CTNNBL1: variants seen among roughly 807,000 people sequenced by gnomAD.
CTNNBL1 encodes catenin beta like 1, also known as beta-catenin-like protein 1.
CTNNBL1 carries 31 observed loss-of-function variants against 72.7 expected under a neutral mutation model. The ratio of observed to expected loss-of-function variants is 0.43; its 90% CI spans 0.32 to 0.58. CTNNBL1 has a LOEUF of 0.58. Ranked by LOEUF, CTNNBL1 falls within the 20% of genes least tolerant of loss-of-function variation. The pLI, the probability that CTNNBL1 is intolerant of heterozygous loss-of-function variation, is 0.08. For missense variants in CTNNBL1, 534 were observed against 725.1 expected (o/e 0.74, Z 3.03); for synonymous variants, 240 against 267.3 (o/e 0.90, Z 1.00).
chr20:37,695,780 A>G (rs1019416133), intron 1 of CTNNBL1, among the ~76,000 whole-genome samples: 5 of 152,220 alleles, frequency 3.3e-5, no homozygotes, highest in Admixed American at 2.0e-4. Context: ...GCTGCCTCAC[A>G]GGGCTGTTGT....
intron 10 of CTNNBL1, among the ~76,000 whole-genome samples, chr20:37,792,090 A>G (rs932574959): frequency 6.6e-6 from 1 of 152,198 alleles, no homozygotes; most frequent in Non-Finnish European, 1.5e-5. Flanking sequence ...TTACTGGCAA[A>G]AAGATGTTCA....
rs771463057 is a variant in CTNNBL1 at position 37,694,163 on chromosome 20, C to G, written c.30+11C>G. The G allele has an allele frequency of 6.3e-6, 10 of 1,586,776 alleles. No individual in the cohort carries two copies. The South Asian group carries it at 1.1e-4, about 18-fold the overall frequency. On this transcript the variant is annotated intron_variant, in intron 1 of 15. Transcript: ENST00000361383. Reference sequence around the variant, plus strand: ...CTTCTGAGCTACCAGGTATGAGGGGCAGGGAGGGCCGAGCGACCGCGTTCT... The same window carrying G: ...CTTCTGAGCTACCAGGTATGAGGGGGAGGGAGGGCCGAGCGACCGCGTTCT...
At chr20:37,855,528 T>C (rs1335418004) in intron 13 of CTNNBL1, among the ~76,000 whole-genome samples, 2 of 152,256 alleles carry the variant, frequency 1.3e-5, no homozygotes, top group African/African-American at 4.8e-5. Flanking sequence ...GACATCTCTG[T>C]TGAGTGGGTA....
At position 37,779,213 on chromosome 20, in the gene CTNNBL1, G is replaced by A. The variant is rs373264095; in HGVS notation, c.909G>A (p.Thr303=). ...TGTTTAAAAGACACAATCCCAGCACGGCTGAGGAGCAGGAGATGATGGAGA... is the reference window on the plus strand; with the variant it reads ...TGTTTAAAAGACACAATCCCAGCACAGCTGAGGAGCAGGAGATGATGGAGA... The part of the protein sequence containing the change: ...LSVFKRHNPS[T]AEEQEMMENL... The change falls in exon 10 of 16, where the codon ACG becomes ACA. Residue 303 remains threonine (T), a synonymous_variant. Coordinates refer to ENST00000361383, the MANE Select transcript of CTNNBL1 (RefSeq NM_030877.5). 12 of 1,613,428 alleles carry A rather than the reference G, an allele frequency of 7.4e-6. No individual in the cohort carries two copies. The highest frequency in any genetic ancestry group is 4.5e-5 in the East Asian group (2 of 44,890).
At chr20:37,826,271 A>G (rs1189498194) in intron 11 of CTNNBL1, among the ~76,000 whole-genome samples, 1 of 152,224 alleles carries the variant, frequency 6.6e-6, no homozygotes, top group African/African-American at 2.4e-5. Flanking sequence ...TAACACTTAA[A>G]CACTTTTAAA....
chr20:37,782,966 T>C (rs2073638835), intron 10 of CTNNBL1, among the ~76,000 whole-genome samples: 2 of 152,230 alleles, frequency 1.3e-5, no homozygotes, highest in South Asian at 4.1e-4. Context: ...AATAGCCACA[T>C]TTCAGATGCT....
chr20:37,774,229 A>G (rs1441088949), intron 7 of CTNNBL1, among the ~76,000 whole-genome samples: 1 of 151,970 alleles, frequency 6.6e-6, no homozygotes, highest in African/African-American at 2.4e-5. Flanking sequence ...CATTATTTCT[A>G]ATCCTCACAA....
intron 1 of CTNNBL1, among the ~76,000 whole-genome samples, chr20:37,712,064 G>GGAA (rs997436352): frequency 5.9e-5 from 9 of 152,212 alleles, no homozygotes; most frequent in African/African-American, 2.2e-4. Context: ...GGGAGGGTGT[G>GGAA]GAATTCACCT....
chr20:37,860,060 G>C lies in CTNNBL1; in HGVS notation c.1530+24G>C, dbSNP rs1460991092. On this transcript the variant is annotated intron_variant, in intron 14 of 15. Coordinates refer to ENST00000361383, the MANE Select transcript of CTNNBL1 (RefSeq NM_030877.5). ...AGGTAGGAGGGTCTTCCCCTGGATG[G>C]GCTTATCCATCCCTGCCTCCTTCCT... 3 of 1,612,480 alleles carry C rather than the reference G, an allele frequency of 1.9e-6. No homozygotes were observed. The South Asian group carries it at 3.3e-5, about 18-fold the overall frequency.
chr20:37,833,313 G>A (rs754974865), intron 11 of CTNNBL1, among the ~76,000 whole-genome samples: 71 of 152,270 alleles, frequency 4.7e-4, no homozygotes, highest in Non-Finnish European at 8.2e-4. Context: ...TCCTTGAGAA[G>A]CCCTGAAGAG....
chr20:37,729,902 A>G (rs2073115675), intron 1 of CTNNBL1, among the ~76,000 whole-genome samples: 1 of 152,170 alleles, frequency 6.6e-6, no homozygotes, highest in Non-Finnish European at 1.5e-5. Flanking sequence ...AGTAATGATG[A>G]TAGTACATTT....
chr20:37,710,724 G>A (rs2072930106), intron 1 of CTNNBL1, among the ~76,000 whole-genome samples: 1 of 152,076 alleles, frequency 6.6e-6, no homozygotes, highest in South Asian at 2.1e-4. Context: ...TTTCTGGAAG[G>A]TAGCCATTTA....
chr20:37,871,092 G>A (rs1450698464), intron 15 of CTNNBL1, among the ~76,000 whole-genome samples: 1 of 152,134 alleles, frequency 6.6e-6, no homozygotes, highest in African/African-American at 2.4e-5. Context: ...TTCTCAAACT[G>A]GAGCATACAT....
At chr20:37,767,501 G>A (rs547010037) in intron 6 of CTNNBL1, among the ~76,000 whole-genome samples, 3 of 152,140 alleles carry the variant, frequency 2.0e-5, no homozygotes, top group Non-Finnish European at 4.4e-5. Flanking sequence ...TCCACCTGAT[G>A]CAGGGAAATA....
chr20:37,843,247 A>G (rs1195840477), intron 13 of CTNNBL1, among the ~76,000 whole-genome samples: 3 of 152,024 alleles, frequency 2.0e-5, no homozygotes, highest in Admixed American at 6.6e-5. Context: ...AGGAGACCTC[A>G]TTTTCCTTGT....
intron 13 of CTNNBL1, among the ~76,000 whole-genome samples, chr20:37,845,972 C>T (rs1235264482): frequency 6.6e-6 from 1 of 152,178 alleles, no homozygotes; most frequent in Non-Finnish European, 1.5e-5. Flanking sequence ...TGCACGTGCC[C>T]ATGGTTTGCA....
chr20:37,769,525 C>T (rs375940831), intron 7 of CTNNBL1, among the ~76,000 whole-genome samples: 24 of 152,116 alleles, frequency 1.6e-4, no homozygotes, highest in African/African-American at 5.3e-4. Flanking sequence ...TATTTATATT[C>T]TTTGTCCATA....
At chr20:37,738,914 T>C (rs959099928) in intron 3 of CTNNBL1, among the ~76,000 whole-genome samples, 2 of 152,178 alleles carry the variant, frequency 1.3e-5, no homozygotes, top group African/African-American at 4.8e-5. Context: ...AACTATGTTG[T>C]CCCTGTGCTG....
intron 5 of CTNNBL1, among the ~76,000 whole-genome samples, chr20:37,764,253 T>G (rs1422454982): frequency 6.6e-6 from 1 of 152,168 alleles, no homozygotes; most frequent in African/African-American, 2.4e-5. Flanking sequence ...AGATGTGGCT[T>G]TACTTATTGG....
Sources: gnomAD v4.1 joint callset for allele counts (sites outside exome capture counted in the v4.1 genomes callset) on GRCh38, gnomAD v4.1.1 for gene constraint, MANE v1.5 for transcripts, NCBI Gene and HGNC (gene_info 2026-07-23, HGNC 2026-07-21) for gene names.